The following PKD1L3 variants were observed in gnomAD, a reference collection of about 807,000 sequenced individuals.
PKD1L3 encodes polycystin-1-like protein 3.
A neutral mutation model predicts 184.1 loss-of-function variants in PKD1L3; 239 were observed. The ratio of observed to expected loss-of-function variants is 1.30; its 90% CI spans 1.17 to 1.45. The LOEUF is 1.45. Among genes scored for constraint, PKD1L3 ranks in the 40% most tolerant of loss-of-function variants. The pLI is 0.00. For missense variants in PKD1L3, 2,660 were observed against 2,067.2 expected (o/e 1.29, Z -5.56); for synonymous variants, 996 against 778.8 (o/e 1.28, Z -4.64).
intron 15 of PKD1L3, among the ~76,000 whole-genome samples, chr16:71,964,851 T>A (rs1295494569): frequency 6.8e-6 from 1 of 146,926 alleles, no homozygotes; most frequent in Non-Finnish European, 1.5e-5. Context: ...ATATATGTAT[T>A]TTTTTTTTTT....
chr16:71,988,513 G>C (rs936330817), intron 4 of PKD1L3, among the ~76,000 whole-genome samples: 1 of 152,230 alleles, frequency 6.6e-6, no homozygotes. Context: ...TGAAAGTTCA[G>C]ATGGGAGATG....
intron 3 of PKD1L3, among the ~76,000 whole-genome samples, chr16:71,990,804 G>C (rs1351863851): frequency 1.3e-5 from 2 of 151,924 alleles, no homozygotes; most frequent in African/African-American, 4.8e-5. Context: ...ATCACTCGAG[G>C]ACCTGGGAAT....
In PKD1L3 at chr16:71,998,803, A is replaced by G. The variant is rs527463040; in HGVS notation, c.296-409T>C. On this transcript the variant is annotated intron_variant, in intron 1 of 29. Coordinates refer to ENST00000620267, the MANE Select transcript of PKD1L3 (RefSeq NM_181536.2). Reference sequence around the variant, plus strand: ...GAAAGCCAAATTTGACTGACTTCCAATAGATAAAAATGTAGAATTTCCTCC... The same window carrying G: ...GAAAGCCAAATTTGACTGACTTCCAGTAGATAAAAATGTAGAATTTCCTCC... 5.3e-5 allele frequency among the ~76,000 whole-genome samples: 8 copies of G among 152,300 alleles called. No individual in the cohort carries two copies. In the South Asian group the frequency reaches 1.7e-3, roughly 32 times the overall value.
intron 22 of PKD1L3, among the ~76,000 whole-genome samples, chr16:71,947,035 C>T (rs1464855798): frequency 6.6e-6 from 1 of 151,756 alleles, no homozygotes; most frequent in Non-Finnish European, 1.5e-5. Context: ...GAGAGTGGAT[C>T]ACCTGAGGTC....
rs1166771578 is a variant in PKD1L3 at position 71,999,840 on chromosome 16, C to T, written c.139G>A (p.Ala47Thr). ...LNRFQCSFEEAQHYCHVQRGF... is the reference protein window; with the variant it reads ...LNRFQCSFEETQHYCHVQRGF... ...CTCTGCACATGACAGTAATGCTGTG[C>T]TTCCTCAAAGCTGCATTGAAATCTG... is the stretch of plus-strand genomic sequence containing the variant. Residue 47 changes from alanine to threonine, a missense_variant, in exon 1 of 30, where the codon GCA (alanine) becomes ACA (threonine). Physicochemically the swap from Ala to Thr is moderately conservative, Grantham distance 58. Coordinates refer to ENST00000620267, the MANE Select transcript of PKD1L3 (RefSeq NM_181536.2). 4 of 1,551,598 alleles carry T rather than the reference C, an allele frequency of 2.6e-6. No individual in the cohort carries two copies. Among genetic ancestry groups the T allele is most frequent in the Non-Finnish European group, 3.5e-6 (4 of 1,147,022 alleles).
intron 17 of PKD1L3, among the ~76,000 whole-genome samples, chr16:71,953,765 T>C (rs1366008332): frequency 6.6e-6 from 1 of 152,120 alleles, no homozygotes; most frequent in East Asian, 1.9e-4. Context: ...GCCCCCATGA[T>C]CCAGTCACCT....
chr16:71,954,156 T>C lies in PKD1L3; in HGVS notation c.2758A>G (p.Asn920Asp), dbSNP rs1297006266. ...MTLLLCNMVI[N>D]VMFWKINSTT... ...CTGTTTATCTTCCAGAACATAACAT[T>C]GATGACCATGTTGCAGAGTAGCAGT... Residue 920 changes from asparagine (N) to aspartate (D), a missense_variant, in exon 17 of 30, where the codon AAT becomes GAT. Coordinates refer to ENST00000620267, the MANE Select transcript of PKD1L3 (RefSeq NM_181536.2). 6 of 1,550,946 alleles carry C rather than the reference T, an allele frequency of 3.9e-6. No individual in the cohort carries two copies. The highest frequency in any genetic ancestry group is 8.7e-7 in the Non-Finnish European group (1 of 1,146,688).
intron 28 of PKD1L3, chr16:71,930,460 T>G (rs1597267577): frequency 1.0e-5 from 2 of 195,570 alleles, no homozygotes; most frequent in East Asian, 1.4e-4. Context: ...AAATGTCACA[T>G]GAGTTTTGGC....
At chr16:71,975,957 CTT>C (rs11405422) in intron 11 of PKD1L3, among the ~76,000 whole-genome samples, 3 of 24,240 alleles carry the variant, frequency 1.2e-4, no homozygotes, top group Admixed American at 7.3e-4. Context: ...TGTTTCTGTT[CTT>C]TTTTTTTTTT....
chr16:71,956,122 C>G (rs536674511), intron 16 of PKD1L3, among the ~76,000 whole-genome samples: 3 of 150,424 alleles, frequency 2.0e-5, no homozygotes, highest in African/African-American at 7.4e-5. Flanking sequence ...CCTCCCAAAG[C>G]GCTGGGATTC....
chr16:71,935,309 CTT>C (rs937285977), intron 26 of PKD1L3, 47 bp downstream of exon 26: 15 of 1,509,582 alleles, frequency 9.9e-6, no homozygotes, highest in Non-Finnish European at 1.3e-5. Context: ...AAACAGGAAA[CTT>C]TAGACATGAG....
In PKD1L3 at chr16:71,986,374, C is replaced by A; in HGVS notation, c.681G>T (p.Gln227His). Reference sequence around the variant, plus strand: ...TGAGCTGTGTTATCACAGGGAGAGGCTGGCTGCTGGGTTCAGATGCGGCTG... The same window carrying A: ...TGAGCTGTGTTATCACAGGGAGAGGATGGCTGCTGGGTTCAGATGCGGCTG... The part of the protein sequence containing the change: ...VTSAASEPSS[Q>H]PLPVITQLTM... The change falls in exon 5 of 30, where the codon CAG (glutamine) becomes CAT (histidine). Residue 227 changes from glutamine to histidine, a missense_variant. Coordinates refer to ENST00000620267, the MANE Select transcript of PKD1L3 (RefSeq NM_181536.2). 1.3e-6 allele frequency: 2 copies of A among 1,551,232 alleles called. No homozygotes were observed. The highest frequency in any genetic ancestry group is 1.7e-6 in the Non-Finnish European group (2 of 1,146,478).
At chr16:71,931,632 T>A (rs1474991503) in intron 28 of PKD1L3, among the ~76,000 whole-genome samples, 1 of 151,904 alleles carries the variant, frequency 6.6e-6, no homozygotes, top group East Asian at 1.9e-4. Flanking sequence ...GCCTGGCTAA[T>A]TTTTGTATTT....
chr16:71,983,146 T>C (rs2040224268), intron 6 of PKD1L3, among the ~76,000 whole-genome samples: 1 of 151,756 alleles, frequency 6.6e-6, no homozygotes, highest in African/African-American at 2.4e-5. Context: ...CAATGCTGAG[T>C]TTTTTGTCTT....
rs573632391 is a variant in PKD1L3 at position 71,995,910 on chromosome 16, G to A, written c.418+2362C>T. Among the ~76,000 whole-genome samples the A allele has an allele frequency of 4.6e-5, 7 of 152,282 alleles. No homozygotes were observed. In the East Asian group the frequency reaches 1.4e-3, roughly 29 times the overall value. The stretch of plus-strand genomic sequence containing the variant: ...TCTTATGGCCTTGCCAACGGAAAGT[G>A]TTGTTAAGTTTGTGGATTTATGCCA... On this transcript the variant is annotated intron_variant, in intron 2 of 29. Transcript: ENST00000620267.
intron 18 of PKD1L3, among the ~76,000 whole-genome samples, chr16:71,952,134 C>T (rs1401456486): frequency 2.0e-5 from 3 of 150,220 alleles, no homozygotes; most frequent in Non-Finnish European, 2.9e-5. Context: ...AGGACCCTGA[C>T]AGCCTCCCAT....
rs759669454 is a variant in PKD1L3 at position 71,970,011 on chromosome 16, T to C, written c.2048A>G (p.Asn683Ser). Residue 683 changes from asparagine (N) to serine (S), a missense_variant, in exon 13 of 30, where the codon AAT (asparagine) becomes AGT (serine). By Grantham distance (46) the Asn-to-Ser change is conservative (BLOSUM62 1). Coordinates refer to ENST00000620267, the MANE Select transcript of PKD1L3 (RefSeq NM_181536.2). ...GAACAGTTTGATCGTGTCTTCAACA[T>C]TCACGGTCCTGGGCACGACAAAGAA... Reference protein sequence around the residue: ...SDFFVVPRTVNVEDTIKLFLR... With the variant: ...SDFFVVPRTVSVEDTIKLFLR... The C allele has an allele frequency of 6.4e-5, 100 of 1,551,584 alleles. No individual in the cohort carries two copies. The highest frequency in any genetic ancestry group is 8.5e-5 in the Non-Finnish European group (97 of 1,147,020).
intron 25 of PKD1L3, among the ~76,000 whole-genome samples, chr16:71,936,519 CTT>C (rs397785025): frequency 2.8e-4 from 34 of 123,506 alleles, no homozygotes; most frequent in Non-Finnish European, 4.8e-4. Context: ...TTTTTTTTTT[CTT>C]TTTTTTTTTT....
In PKD1L3 at chr16:71,986,408, T is replaced by G. The variant is rs1483895709; in HGVS notation, c.647A>C (p.Gln216Pro). Residue 216 changes from glutamine to proline, a missense_variant, in exon 5 of 30, where the codon CAG (glutamine) becomes CCG (proline). By Grantham distance (76) the Gln-to-Pro change is moderately conservative (BLOSUM62 -1). Transcript: ENST00000620267. ...GGGTTCAGATGCGGCTGATGTTACC[T>G]GTGATGTGATACTTGATAGTACTGA... The part of the protein sequence containing the change: ...FPSVLSSITS[Q>P]VTSAASEPSS... The G allele has an allele frequency of 6.4e-7, 1 of 1,551,798 alleles. No homozygotes were observed. Among genetic ancestry groups the G allele is most frequent in the Non-Finnish European group, 8.7e-7 (1 of 1,146,962 alleles).
Sources: gnomAD v4.1 joint callset for allele counts (sites outside exome capture counted in the v4.1 genomes callset) on GRCh38, gnomAD v4.1.1 for gene constraint, MANE v1.5 for transcripts, NCBI Gene and HGNC (gene_info 2026-07-23, HGNC 2026-07-21) for gene names.